CHD6: variants seen among roughly 807,000 people sequenced by gnomAD.
CHD6 encodes the protein chromodomain helicase DNA binding protein 6.
CHD6 carries 50 observed loss-of-function variants against 276.9 expected under a neutral mutation model. That is an observed-to-expected ratio of 0.18 (90% confidence interval 0.14 to 0.23). The LOEUF is 0.23. CHD6 is among the 10% of genes least tolerant of loss of function. The pLI, the probability that CHD6 is intolerant of heterozygous loss-of-function variation, is 1.00. For missense variants in CHD6, 2,564 were observed against 3,365.8 expected, an observed-to-expected ratio of 0.76 and a Z score of 5.89; for synonymous variants, 1,173 against 1,229.3, an observed-to-expected ratio of 0.95 and a Z score of 0.96.
At chr20:41,591,187 A>G (rs73613223) in intron 1 of CHD6, among the ~76,000 whole-genome samples, 4,074 of 131,058 alleles carry the variant, frequency 0.031, 68 homozygotes, top group South Asian at 0.041. Flanking sequence ...CAGGAAGGGG[A>G]ACATCACACA....
intron 2 of CHD6, among the ~76,000 whole-genome samples, chr20:41,540,714 C>T (rs1379850181): frequency 6.6e-6 from 1 of 152,170 alleles, no homozygotes; most frequent in East Asian, 1.9e-4. Flanking sequence ...CTGCTGCTGG[C>T]TGGCTTTGGA....
At chr20:41,467,966 T>C (rs1600934577) in intron 17 of CHD6, among the ~76,000 whole-genome samples, 1 of 152,196 alleles carries the variant, frequency 6.6e-6, no homozygotes, top group East Asian at 1.9e-4. Flanking sequence ...TACATGGTCA[T>C]ACTCTTTGTT....
At chr20:41,445,087 G>C (rs1303707765) in intron 25 of CHD6, among the ~76,000 whole-genome samples, 2 of 152,178 alleles carry the variant, frequency 1.3e-5, no homozygotes, top group Non-Finnish European at 2.9e-5. Flanking sequence ...TGCCAGAGGT[G>C]AAGAAAGGGA....
chr20:41,616,185 TTAAC>T (rs1223921475), intron 1 of CHD6, among the ~76,000 whole-genome samples: 1 of 152,228 alleles, frequency 6.6e-6, no homozygotes, highest in Non-Finnish European at 1.5e-5. Context: ...GTGGTTTGCC[TTAAC>T]TAATACACTG....
chr20:41,551,444 C>A (rs1031782761), intron 1 of CHD6, 84 bp from the exon 2 acceptor site: 1 of 638,686 alleles, frequency 1.6e-6, no homozygotes. Flanking sequence ...CTGTAACACA[C>A]AAGGAAAACA....
chr20:41,554,538 C>T (rs2045193104), intron 1 of CHD6, among the ~76,000 whole-genome samples: 1 of 151,386 alleles, frequency 6.6e-6, no homozygotes, highest in Non-Finnish European at 1.5e-5. Context: ...GACCCTGCGG[C>T]CTTCCGCAGT....
rs376046843 is a variant in CHD6, at chr20:41,526,718, CTTCTT to C, written c.554+6327_554+6331del. ...AAACTGGGGCTGATCACACCAACCACTTCTTTTCCTCTTTTTGCTTTTTCATTCCT... is the reference window on the plus strand; with the variant it reads ...AAACTGGGGCTGATCACACCAACCACTTCCTCTTTTTGCTTTTTCATTCCT... On this transcript the variant is annotated intron_variant, in intron 3 of 36. Coordinates refer to ENST00000373233, the MANE Select transcript of CHD6 (RefSeq NM_032221.5). Among the ~76,000 whole-genome samples, 126 of 152,308 alleles carry C rather than the reference CTTCTT, an allele frequency of 8.3e-4. 1 individual carries two copies. The highest frequency in any genetic ancestry group is 2.9e-3 in the African/African-American group (121 of 41,574).
intron 1 of CHD6, among the ~76,000 whole-genome samples, chr20:41,590,491 T>C (rs900410311): frequency 2.0e-5 from 3 of 152,082 alleles, no homozygotes; most frequent in African/African-American, 7.2e-5. Flanking sequence ...ATCCAGAATC[T>C]ACAAAGAACT....
chr20:41,446,281 GGAGGGCCTTTCA>G (rs2048066561), intron 24 of CHD6, among the ~76,000 whole-genome samples: 1 of 152,162 alleles, frequency 6.6e-6, no homozygotes, highest in Non-Finnish European at 1.5e-5. Flanking sequence ...CGGTATATCA[GGAGGGCCTTTCA>G]GAGGGTAAGT....
intron 2 of CHD6, among the ~76,000 whole-genome samples, chr20:41,537,348 A>G (rs192585324): frequency 4.1e-4 from 62 of 152,352 alleles, no homozygotes; most frequent in Non-Finnish European, 7.2e-4. Flanking sequence ...AAAACAATAT[A>G]CTACAACAAC....
chr20:41,573,160 C>T lies in CHD6; in HGVS notation c.-23-21800G>A, dbSNP rs545813361. ...TCCTGACCTCGTGATCCACCCGCCT[C>T]GGCCTCCCAAAGTGCTGGGATTACA... On this transcript the variant is annotated intron_variant, in intron 1 of 36. Transcript: ENST00000373233. 9.9e-5 allele frequency among the ~76,000 whole-genome samples: 15 copies of T among 152,284 alleles called. No homozygotes were observed. In the South Asian group the frequency reaches 1.5e-3, roughly 15 times the overall value.
chr20:41,457,049 C>A (rs2048396577), intron 18 of CHD6, among the ~76,000 whole-genome samples: 1 of 152,148 alleles, frequency 6.6e-6, no homozygotes, highest in Non-Finnish European at 1.5e-5. Flanking sequence ...GGCAATCCTA[C>A]CTCATAACTG....
At chr20:41,593,992 T>TA (rs879583202) in intron 1 of CHD6, among the ~76,000 whole-genome samples, 3,919 of 138,600 alleles carry the variant, frequency 0.028, 56 homozygotes, top group South Asian at 0.047. Flanking sequence ...AAATTTTGCT[T>TA]AAAAAAAAAA....
chr20:41,463,610 A>T (rs1007638014), intron 17 of CHD6, among the ~76,000 whole-genome samples: 5 of 152,138 alleles, frequency 3.3e-5, no homozygotes, highest in Non-Finnish European at 7.4e-5. Context: ...AAACGGAGGG[A>T]CAACCTACAA....
intron 27 of CHD6, among the ~76,000 whole-genome samples, chr20:41,429,308 A>C (rs952332551): frequency 6.6e-6 from 1 of 152,208 alleles, no homozygotes; most frequent in African/African-American, 2.4e-5. Context: ...TTTCAGACTA[A>C]CTGCTTTAGA....
At chr20:41,437,426 T>G in intron 26 of CHD6, 92 bp from the exon 27 acceptor site, 1 of 778,254 alleles carries the variant, frequency 1.3e-6, no homozygotes, top group South Asian at 1.8e-5. Context: ...CCAAAAATAC[T>G]AAGATATTTT....
intron 1 of CHD6, chr20:41,614,828 T>C (rs2045920507): frequency 6.6e-6 from 1 of 152,190 alleles, no homozygotes; most frequent in Admixed American, 6.5e-5. Flanking sequence ...CCCTCTGCAC[T>C]TCATGGTTAT....
intron 5 of CHD6, among the ~76,000 whole-genome samples, chr20:41,507,672 C>A (rs2044010019): frequency 6.6e-6 from 1 of 152,146 alleles, no homozygotes; most frequent in Non-Finnish European, 1.5e-5. Context: ...GACACACTTC[C>A]ATAACAACCA....
At chr20:41,498,315 C>T (rs2145896095) in intron 6 of CHD6, 89 bp from the exon 7 acceptor site, 1 of 877,448 alleles carries the variant, frequency 1.1e-6, no homozygotes, top group Non-Finnish European at 1.8e-6. Flanking sequence ...AATATCTCTG[C>T]CTGATTTCCA....
Sources: gnomAD v4.1 joint callset for allele counts (sites outside exome capture counted in the v4.1 genomes callset) on GRCh38, gnomAD v4.1.1 for gene constraint, MANE v1.5 for transcripts, NCBI Gene and HGNC (gene_info 2026-07-23, HGNC 2026-07-21) for gene names.